The following TFDP1 variants were observed in gnomAD, a reference collection of about 807,000 sequenced individuals.
The protein encoded by TFDP1 is DRTF1-polypeptide 1.
In TFDP1, 6 loss-of-function variants were observed where a neutral mutation model predicts 48.0. The observed-to-expected ratio is 0.13, with a 90% CI of 0.07 to 0.25. The LOEUF is 0.25. Ranked by LOEUF, TFDP1 falls within the 10% of genes least tolerant of loss-of-function variation. The pLI, the probability that TFDP1 is intolerant of heterozygous loss-of-function variation, is 1.00. For synonymous variants in TFDP1, 201 were observed against 211.6 expected (o/e 0.95, Z 0.44); for missense variants, 335 against 543.0 (o/e 0.62, Z 3.81).
chr13:113,591,407 A>G (rs938603377), intron 2 of TFDP1, among the ~76,000 whole-genome samples: 26 of 152,108 alleles, frequency 1.7e-4, no homozygotes, highest in African/African-American at 5.8e-4. Context: ...TTATAGGAAC[A>G]TCTGGTATAA....
At position 113,607,220 on chromosome 13, in the gene TFDP1, C is replaced by T. The variant is rs757489805; in HGVS notation, c.13-3776C>T. On this transcript the variant is annotated intron_variant, in intron 2 of 11. Coordinates refer to ENST00000375370, the MANE Select transcript of TFDP1 (RefSeq NM_007111.5). This position sits in a 1 kb window ranked among gnomAD's most constrained non-coding sequence, Gnocchi z 5.2. Reference sequence around the variant, plus strand: ...TTGCTGCGGCTGAGACAGCGCAGGGCGTCATTCATCCCCCTGCCTCCTGAG... The same window carrying T: ...TTGCTGCGGCTGAGACAGCGCAGGGTGTCATTCATCCCCCTGCCTCCTGAG... Among the ~76,000 whole-genome samples the T allele has an allele frequency of 7.3e-4, 111 of 152,174 alleles. 1 individual carries two copies. Among genetic ancestry groups the T allele is most frequent in the Non-Finnish European group, 5.4e-4 (37 of 68,030 alleles).
chr13:113,619,673 C>T (rs1004677416), intron 3 of TFDP1, among the ~76,000 whole-genome samples: 3 of 152,018 alleles, frequency 2.0e-5, no homozygotes, highest in Admixed American at 6.5e-5. Flanking sequence ...AAGTGCTGCT[C>T]GGGGCCGGAC....
intron 2 of TFDP1, among the ~76,000 whole-genome samples, chr13:113,608,689 C>T (rs894658487): frequency 1.3e-5 from 2 of 152,198 alleles, no homozygotes; most frequent in Non-Finnish European, 2.9e-5. Flanking sequence ...GGCTGACCCA[C>T]CTTGTGTTTA....
chr13:113,625,788 GGCGTCTCTCAC>G (rs2049149837), intron 4 of TFDP1, among the ~76,000 whole-genome samples: 1 of 33,230 alleles, frequency 3.0e-5, no homozygotes. Flanking sequence ...CGTGTCCTCA[GGCGTCTCTCAC>G]GTGTCCTCAG....
rs762840973 is a variant in TFDP1, at chr13:113,623,348, G to A, written c.186+62G>A. On this transcript the variant is annotated intron_variant, in intron 4 of 11. Coordinates refer to ENST00000375370, the MANE Select transcript of TFDP1 (RefSeq NM_007111.5). This position sits in a 1 kb window ranked among gnomAD's most constrained non-coding sequence, Gnocchi z 5.2. ...GTGTGAGGTCGGGATCGGATGAGCC[G>A]TGTGGTTGGGGATGTTCCCAGGTGT... is the stretch of plus-strand genomic sequence containing the variant. 4.8e-5 allele frequency: 70 copies of A among 1,473,306 alleles called. No homozygotes were observed. The African/African-American group carries it at 5.2e-4, about 11-fold the overall frequency. The allele number at this position is 1,473,306 out of a possible 1,614,324, so 91.3% of individuals were successfully genotyped here.
At chr13:113,590,350 T>C (rs1399609362) in intron 2 of TFDP1, among the ~76,000 whole-genome samples, 1 of 152,170 alleles carries the variant, frequency 6.6e-6, no homozygotes, top group Non-Finnish European at 1.5e-5. Context: ...GCTCTGCTAA[T>C]GCCAAGAGGG....
chr13:113,595,811 G>A (rs567978007), intron 2 of TFDP1, among the ~76,000 whole-genome samples: 11 of 152,228 alleles, frequency 7.2e-5, no homozygotes, highest in African/African-American at 1.9e-4. Context: ...GGCCGGGTGC[G>A]GTGGCTCACG....
Position 113,627,666 on chromosome 13 carries a change from G to A in TFDP1, c.187-3957G>A, listed in dbSNP as rs567039174. Among the ~76,000 whole-genome samples the A allele has an allele frequency of 9.9e-4, 150 of 152,218 alleles. No homozygotes were observed. The highest frequency in any genetic ancestry group is 3.3e-3 in the African/African-American group (135 of 41,506). Reference sequence around the variant, plus strand: ...CCCTGGGCCTGTTAGGAAGCTGGCCGCACAGCCGCCTGAGCCCTGCCTCCT... The same window carrying A: ...CCCTGGGCCTGTTAGGAAGCTGGCCACACAGCCGCCTGAGCCCTGCCTCCT... On this transcript the variant is annotated intron_variant, in intron 4 of 11. Coordinates refer to ENST00000375370, the MANE Select transcript of TFDP1 (RefSeq NM_007111.5). The surrounding 1 kb of genome is among the most constrained non-coding windows in gnomAD (Gnocchi z 4.1).
intron 2 of TFDP1, among the ~76,000 whole-genome samples, chr13:113,596,077 G>A (rs923561046): frequency 2.6e-5 from 4 of 151,764 alleles, no homozygotes; most frequent in East Asian, 1.9e-4. Context: ...GTGAGACTCC[G>A]TCTCAAAAAA....
chr13:113,613,578 G>T (rs1019149849), intron 3 of TFDP1, among the ~76,000 whole-genome samples: 3 of 96,434 alleles, frequency 3.1e-5, no homozygotes, highest in Non-Finnish European at 2.0e-5. Flanking sequence ...ACGAGTGTGT[G>T]TGTGCATGAG....
intron 2 of TFDP1, among the ~76,000 whole-genome samples, chr13:113,589,577 C>G (rs2048090265): frequency 1.3e-5 from 2 of 152,230 alleles, no homozygotes. Context: ...CCCTCCGCCT[C>G]AGGGCCTAGG....
At chr13:113,601,035 G>A (rs193072179) in intron 2 of TFDP1, among the ~76,000 whole-genome samples, 6 of 152,328 alleles carry the variant, frequency 3.9e-5, no homozygotes, top group Admixed American at 1.3e-4. Context: ...GTGTTTGTGA[G>A]ATGAGCCTTC....
Position 113,636,568 on chromosome 13 carries a change from G to A in TFDP1, c.874G>A (p.Glu292Lys). 6.2e-7 allele frequency: 1 copy of A among 1,614,176 alleles called. No homozygotes were observed. Among genetic ancestry groups the A allele is most frequent in the Non-Finnish European group, 8.5e-7 (1 of 1,180,040 alleles). The change falls in exon 10 of 12, where the codon GAA (glutamate) becomes AAA (lysine). Residue 292 changes from glutamate to lysine, a missense_variant. Coordinates refer to ENST00000375370, the MANE Select transcript of TFDP1 (RefSeq NM_007111.5). ...TCTGTTTAATTTTGACAACACATTT[G>A]AAATCCACGATGACATAGAAGTGCT... is the stretch of plus-strand genomic sequence containing the variant. ...EYLFNFDNTF[E>K]IHDDIEVLKR... is the part of the protein sequence containing the mutation.
At chr13:113,630,181 A>ACACG (rs1037488320) in intron 4 of TFDP1, among the ~76,000 whole-genome samples, 1 of 151,392 alleles carries the variant, frequency 6.6e-6, no homozygotes, top group East Asian at 1.9e-4. Flanking sequence ...ACACACACAC[A>ACACG]CGCGTATTGA....
chr13:113,624,181 C>T (rs1455175684), intron 4 of TFDP1, among the ~76,000 whole-genome samples: 4 of 152,124 alleles, frequency 2.6e-5, no homozygotes, highest in Non-Finnish European at 4.4e-5. Context: ...TCTTGCACCC[C>T]GGCCTCCTGG....
intron 3 of TFDP1, among the ~76,000 whole-genome samples, chr13:113,622,706 G>T (rs897981746): frequency 1.3e-5 from 2 of 152,186 alleles, no homozygotes; most frequent in African/African-American, 4.8e-5. Flanking sequence ...GTTTAGAGCC[G>T]CAGCCTCTGT....
At chr13:113,597,742 G>A (rs1380044225) in intron 2 of TFDP1, among the ~76,000 whole-genome samples, 3 of 152,222 alleles carry the variant, frequency 2.0e-5, no homozygotes, top group African/African-American at 4.8e-5. Flanking sequence ...TCCCAGCCAC[G>A]AGGGGCTGAT....
At chr13:113,613,982 TTG>T (rs61531401) in intron 3 of TFDP1, among the ~76,000 whole-genome samples, 4,056 of 151,398 alleles carry the variant, frequency 0.027, 168 homozygotes, top group African/African-American at 0.091. Flanking sequence ...AGTGCATGTG[TTG>T]TGAGTGTGCA....
chr13:113,604,477 A>G (rs1425620050), intron 2 of TFDP1, among the ~76,000 whole-genome samples: 2 of 152,208 alleles, frequency 1.3e-5, no homozygotes, highest in Non-Finnish European at 2.9e-5. Flanking sequence ...GTGGCCTTGG[A>G]TCCTGTGTGG....
Sources: allele counts gnomAD v4.1 joint callset (sites outside exome capture counted in the v4.1 genomes callset), GRCh38; gene constraint gnomAD v4.1.1; non-coding constraint Gnocchi (gnomAD v3.1); transcripts MANE v1.5; gene names NCBI Gene and HGNC (gene_info 2026-07-23, HGNC 2026-07-21).